RIT2: variants seen among roughly 807,000 people sequenced by gnomAD.
RIT2 encodes the protein GTP-binding protein Rit2.
Under a neutral mutation model 23.7 loss-of-function variants are expected in RIT2, and 24 were observed. The ratio of observed to expected loss-of-function variants is 1.01; its 90% CI spans 0.73 to 1.43. The LOEUF is 1.43. Ranked by LOEUF, RIT2 falls within the 40% of genes most tolerant of loss-of-function variation. The pLI, the probability that RIT2 is intolerant of heterozygous loss-of-function variation, is 0.00. For missense variants in RIT2, 236 were observed against 266.9 expected (o/e 0.88, Z 0.81); for synonymous variants, 107 against 91.1 (o/e 1.17, Z -0.99).
intron 1 of RIT2, among the ~76,000 whole-genome samples, chr18:43,108,469 C>T (rs1357022655): frequency 6.6e-6 from 1 of 151,834 alleles, no homozygotes; most frequent in Admixed American, 6.6e-5. Context: ...ATGTGACAGA[C>T]CATCAGCCAG....
intron 3 of RIT2, among the ~76,000 whole-genome samples, chr18:42,951,362 G>A (rs938574857): frequency 5.9e-5 from 9 of 151,960 alleles, no homozygotes; most frequent in Admixed American, 5.9e-4. Context: ...ACTTACAAGT[G>A]AGAGCTAAAC....
intron 2 of RIT2, among the ~76,000 whole-genome samples, chr18:42,980,992 C>T: frequency 6.6e-6 from 1 of 152,076 alleles, no homozygotes; most frequent in Non-Finnish European, 1.5e-5. Flanking sequence ...TTAATCTTTT[C>T]CTTTCAACCT....
chr18:42,842,256 A>T (rs1316399461), intron 4 of RIT2, among the ~76,000 whole-genome samples: 1 of 152,122 alleles, frequency 6.6e-6, no homozygotes, highest in Non-Finnish European at 1.5e-5. Context: ...CTTAATTTCC[A>T]TTTGGTGGAA....
intron 3 of RIT2, among the ~76,000 whole-genome samples, chr18:42,967,609 T>A (rs945067229): frequency 1.4e-5 from 2 of 142,480 alleles, no homozygotes; most frequent in Non-Finnish European, 3.0e-5. Context: ...GCCAGGATGG[T>A]CTCAATCTGC....
chr18:43,090,712 G>T (rs1161612100), intron 1 of RIT2, among the ~76,000 whole-genome samples: 2 of 152,042 alleles, frequency 1.3e-5, no homozygotes, highest in Admixed American at 1.3e-4. Flanking sequence ...CATGTCATTT[G>T]CAGGAACTTG....
In RIT2 at chr18:43,009,199, C is replaced by T. The variant is rs529067419; in HGVS notation, c.160+24612G>A. Among the ~76,000 whole-genome samples, 44 of 151,540 alleles carry T rather than the reference C, an allele frequency of 2.9e-4. 1 individual carries two copies. Among genetic ancestry groups the T allele is most frequent in the Admixed American group, 2.5e-3 (38 of 15,180 alleles). The stretch of plus-strand genomic sequence containing the variant: ...GACATCCTAATTCCCCATGTCTACA[C>T]TAGAAAAAAAATTAGTTAAATATAC... On this transcript the variant is annotated intron_variant, in intron 2 of 4. Transcript: ENST00000326695.
At chr18:43,041,062 AG>A (rs1912117514) in intron 1 of RIT2, among the ~76,000 whole-genome samples, 1 of 152,160 alleles carries the variant, frequency 6.6e-6, no homozygotes, top group African/African-American at 2.4e-5. Flanking sequence ...TTATCTAGAT[AG>A]GAGTACATCT....
rs1907922370 is a variant in RIT2 at position 42,882,544 on chromosome 18, GA to G, written c.426+41027del. Among the ~76,000 whole-genome samples the G allele has an allele frequency of 2.6e-5, 4 of 152,308 alleles. No homozygotes were observed. In the South Asian group the frequency reaches 8.3e-4, roughly 32 times the overall value. On this transcript the variant is annotated intron_variant, in intron 4 of 4. Transcript: ENST00000326695. ...ACACAAAATCTACTGGTTAGCTGGT[GA>G]AAATGACTGGGTAATTCAGTCAAAA...
Position 42,753,126 on chromosome 18 carries a change from A to G in RIT2, c.427-9406T>C, listed in dbSNP as rs1029611993. Among the ~76,000 whole-genome samples the G allele has an allele frequency of 3.3e-5, 5 of 152,178 alleles. No individual in the cohort carries two copies. The East Asian group carries it at 9.6e-4, about 29-fold the overall frequency. On this transcript the variant is annotated intron_variant, in intron 4 of 4. Coordinates refer to ENST00000326695, the MANE Select transcript of RIT2 (RefSeq NM_002930.4). ...GATGAGACCACTGGGGCAAAAAGGC[A>G]GGCAGAGCCTGTTCTAGTCCAGCCC...
At chr18:42,813,409 T>C (rs938227848) in intron 4 of RIT2, among the ~76,000 whole-genome samples, 4 of 152,316 alleles carry the variant, frequency 2.6e-5, no homozygotes, top group African/African-American at 9.6e-5. Flanking sequence ...TAGAAAAGTA[T>C]CATTGTCCAT....
chr18:42,905,996 A>G (rs1319991236), intron 4 of RIT2, among the ~76,000 whole-genome samples: 28 of 1,750 alleles, frequency 0.016, no homozygotes, highest in African/African-American at 0.054. Context: ...ATATATGTAT[A>G]TATATATATA....
intron 4 of RIT2, among the ~76,000 whole-genome samples, chr18:42,906,276 T>C (rs1241701451): frequency 6.6e-6 from 1 of 151,958 alleles, no homozygotes; most frequent in African/African-American, 2.4e-5. Context: ...ATAATACAAA[T>C]TTTCTTTTCT....
chr18:42,808,329 T>A (rs1374189587), intron 4 of RIT2, among the ~76,000 whole-genome samples: 1 of 152,170 alleles, frequency 6.6e-6, no homozygotes, highest in East Asian at 1.9e-4. Context: ...GAAAATGATG[T>A]ACTTCATAGA....
intron 1 of RIT2, among the ~76,000 whole-genome samples, chr18:43,109,068 C>A (rs1041608585): frequency 6.6e-6 from 1 of 152,186 alleles, no homozygotes; most frequent in Non-Finnish European, 1.5e-5. Flanking sequence ...GGCTCAACTT[C>A]CTACCTGCTT....
At chr18:42,872,972 G>A (rs1385236306) in intron 4 of RIT2, among the ~76,000 whole-genome samples, 10 of 152,006 alleles carry the variant, frequency 6.6e-5, no homozygotes, top group East Asian at 1.9e-4. Flanking sequence ...TGTGAGTATC[G>A]CCATGGCTCT....
intron 3 of RIT2, among the ~76,000 whole-genome samples, chr18:42,948,377 C>A (rs557155145): frequency 6.6e-6 from 1 of 152,174 alleles, no homozygotes; most frequent in East Asian, 1.9e-4. Context: ...CTCAGTGACA[C>A]TCTGAGTTCT....
At chr18:42,849,944 T>C (rs1907005734) in intron 4 of RIT2, among the ~76,000 whole-genome samples, 1 of 152,170 alleles carries the variant, frequency 6.6e-6, no homozygotes, top group East Asian at 1.9e-4. Flanking sequence ...AGATAAACTC[T>C]AAGTTTCCCT....
intron 1 of RIT2, among the ~76,000 whole-genome samples, chr18:43,042,366 T>C (rs1912148254): frequency 6.6e-6 from 1 of 152,206 alleles, no homozygotes; most frequent in African/African-American, 2.4e-5. Context: ...TGGTTATTTC[T>C]CTTGTACTTC....
At chr18:42,907,966 G>GA (rs1201350991) in intron 4 of RIT2, among the ~76,000 whole-genome samples, 71 of 135,752 alleles carry the variant, frequency 5.2e-4, no homozygotes, top group East Asian at 1.9e-3. Flanking sequence ...GTGACAGAGT[G>GA]AAAAAAAAAA....
Sources: gnomAD v4.1 joint callset for allele counts (sites outside exome capture counted in the v4.1 genomes callset) on GRCh38, gnomAD v4.1.1 for gene constraint, MANE v1.5 for transcripts, NCBI Gene and HGNC (gene_info 2026-07-23, HGNC 2026-07-21) for gene names.